Variants in MITF observed in about 807,000 individuals in gnomAD.
The protein encoded by MITF is melanocyte inducing transcription factor.
MITF carries 17 observed loss-of-function variants against 60.5 expected under a neutral mutation model. That is an observed-to-expected ratio of 0.28 (90% CI 0.19 to 0.42). MITF has a LOEUF of 0.42. Among genes scored for constraint, MITF ranks in the 10% least tolerant of loss-of-function variants. The probability of loss-of-function intolerance (pLI) is 1.00; values close to 1 mark genes in which losing one functional copy is unlikely to be tolerated. For missense variants in MITF, 622 were observed against 683.5 expected, an observed-to-expected ratio of 0.91 and a Z score of 1.00; for synonymous variants, 260 against 248.5, an observed-to-expected ratio of 1.05 and a Z score of -0.43.
At chr3:69,820,644 A>C (rs1254554738) in intron 1 of MITF, among the ~76,000 whole-genome samples, 1 of 152,202 alleles carries the variant, frequency 6.6e-6, no homozygotes. Context: ...GATGTGATAG[A>C]ATTGGCACAG....
intron 2 of MITF, among the ~76,000 whole-genome samples, chr3:69,927,092 T>A (rs976952440): frequency 7.2e-5 from 11 of 152,222 alleles, no homozygotes; most frequent in African/African-American, 2.7e-4. Context: ...ATAGTCATTG[T>A]TGAGACTTGA....
intron 1 of MITF, among the ~76,000 whole-genome samples, chr3:69,796,495 T>TTTTTTTTTTTTTTTG: frequency 1.7e-5 from 1 of 59,286 alleles, no homozygotes. Flanking sequence ...ACCGTCTTTC[T>TTTTTTTTTTTTTTTG]TTTTTTTTTT....
intron 2 of MITF, among the ~76,000 whole-genome samples, chr3:69,894,484 G>A (rs549380619): frequency 1.2e-4 from 18 of 152,148 alleles, no homozygotes; most frequent in Non-Finnish European, 2.1e-4. Context: ...TCAGGAGTTC[G>A]AGACCAGCCT....
chr3:69,904,678 A>G (rs905443152), intron 2 of MITF, among the ~76,000 whole-genome samples: 4 of 152,172 alleles, frequency 2.6e-5, no homozygotes, highest in African/African-American at 4.8e-5. Context: ...CTTATAAACC[A>G]TAAGTAATGT....
At position 69,961,550 on chromosome 3, in the gene MITF, C is replaced by CAA. The variant is rs36044055; in HGVS notation, c.1179+2142_1179+2143dup. On this transcript the variant is annotated intron_variant, in intron 9 of 9. Coordinates refer to ENST00000352241, the MANE Select transcript of MITF (RefSeq NM_001354604.2). ...TGAAACCCTGTCTTTACCAAAAATA[C>CAA]AAAAAAAAAAAAAGAAAAGAAAAGA... Among the ~76,000 whole-genome samples, 57 of 127,090 alleles carry CAA rather than the reference C, an allele frequency of 4.5e-4. 1 individual carries two copies. The highest frequency in any genetic ancestry group is 8.2e-4 in the Non-Finnish European group (48 of 58,276). The allele number at this position is 127,090 out of a possible 152,430, so 83.4% of individuals were successfully genotyped here.
chr3:69,743,285 C>T (rs1053516018), intron 1 of MITF, among the ~76,000 whole-genome samples: 6 of 152,322 alleles, frequency 3.9e-5, no homozygotes, highest in Middle Eastern at 3.4e-3. Flanking sequence ...TAGAACAATG[C>T]GTGACACAAT....
At chr3:69,787,404 G>T (rs1177144144) in intron 1 of MITF, among the ~76,000 whole-genome samples, 1 of 152,214 alleles carries the variant, frequency 6.6e-6, no homozygotes, top group African/African-American at 2.4e-5. Context: ...AGTTATGTGT[G>T]AAACTGGCTT....
chr3:69,920,408 C>G (rs768156338), intron 2 of MITF, among the ~76,000 whole-genome samples: 4 of 152,182 alleles, frequency 2.6e-5, no homozygotes, highest in Non-Finnish European at 5.9e-5. Context: ...TTCCGGAGGC[C>G]TAACCATCTC....
chr3:69,949,460 G>A (rs1322972649), intron 6 of MITF, among the ~76,000 whole-genome samples: 5 of 151,904 alleles, frequency 3.3e-5, no homozygotes, highest in African/African-American at 4.8e-5. Flanking sequence ...CTTTGTGTTG[G>A]GGATAGTAGG....
At chr3:69,958,822 G>A (rs1193048085) in intron 8 of MITF, among the ~76,000 whole-genome samples, 3 of 152,106 alleles carry the variant, frequency 2.0e-5, no homozygotes, top group Admixed American at 2.0e-4. Flanking sequence ...TTCAACATGT[G>A]CACAGTCTCT....
At chr3:69,754,109 A>C (rs967090302) in intron 1 of MITF, among the ~76,000 whole-genome samples, 8 of 152,082 alleles carry the variant, frequency 5.3e-5, no homozygotes, top group Non-Finnish European at 1.2e-4. Context: ...GGTGATTTGG[A>C]TCATGGAAGT....
intron 1 of MITF, among the ~76,000 whole-genome samples, chr3:69,810,963 G>A (rs904435294): frequency 6.6e-6 from 1 of 152,150 alleles, no homozygotes; most frequent in Non-Finnish European, 1.5e-5. Flanking sequence ...AATGATTTCA[G>A]GTCTTCCCTT....
intron 1 of MITF, among the ~76,000 whole-genome samples, chr3:69,768,554 T>C (rs2062338654): frequency 6.6e-6 from 1 of 152,256 alleles, no homozygotes; most frequent in East Asian, 1.9e-4. Context: ...CATACATAAT[T>C]TGGCTTTGGT....
At chr3:69,907,478 T>C (rs1396526380) in intron 2 of MITF, among the ~76,000 whole-genome samples, 1 of 152,082 alleles carries the variant, frequency 6.6e-6, no homozygotes, top group Non-Finnish European at 1.5e-5. Context: ...ATGAAAGTTA[T>C]ATTCTACTGG....
intron 1 of MITF, among the ~76,000 whole-genome samples, chr3:69,809,210 G>C (rs986916814): frequency 6.6e-6 from 1 of 152,076 alleles, no homozygotes; most frequent in African/African-American, 2.4e-5. Flanking sequence ...TGGAAGCATT[G>C]CTCAGAAAAT....
At chr3:69,793,648 G>T (rs1473339566) in intron 1 of MITF, among the ~76,000 whole-genome samples, 2 of 143,550 alleles carry the variant, frequency 1.4e-5, no homozygotes, top group African/African-American at 5.0e-5. Context: ...TGTATATAAG[G>T]TATATATTTA....
At chr3:69,757,425 C>A (rs1704192164) in intron 1 of MITF, among the ~76,000 whole-genome samples, 2 of 152,112 alleles carry the variant, frequency 1.3e-5, no homozygotes, top group Admixed American at 1.3e-4. Context: ...GACAAACACA[C>A]TGAAGAAACT....
intron 7 of MITF, among the ~76,000 whole-genome samples, chr3:69,954,886 CAG>C (rs2066357613): frequency 6.6e-6 from 1 of 152,092 alleles, no homozygotes; most frequent in Non-Finnish European, 1.5e-5. Context: ...TCTAGGTGTA[CAG>C]ACTATTAGTG....
intron 4 of MITF, 90 bp downstream of exon 4, chr3:69,939,271 T>A: frequency 8.6e-7 from 1 of 1,168,426 alleles, no homozygotes; most frequent in Non-Finnish European, 1.2e-6. Flanking sequence ...AACTTAAGCA[T>A]TTTTTTCCCC....
Sources: allele counts gnomAD v4.1 joint callset (sites outside exome capture counted in the v4.1 genomes callset), GRCh38; gene constraint gnomAD v4.1.1; transcripts MANE v1.5; gene names NCBI Gene and HGNC (gene_info 2026-07-23, HGNC 2026-07-21).